Variants in MEGF11 observed in about 807,000 individuals in gnomAD.
MEGF11 encodes the protein multiple epidermal growth factor-like domains protein 11.
MEGF11 carries 126 observed loss-of-function variants against 146.6 expected under a neutral mutation model. The ratio of observed to expected loss-of-function variants is 0.86; its 90% confidence interval spans 0.74 to 1.00. The LOEUF (loss-of-function observed/expected upper bound fraction) is 1.00. MEGF11 is among the 50% of genes least tolerant of loss of function. The pLI is 0.00. For missense variants in MEGF11, 1,509 were observed against 1,521.2 expected (o/e 0.99, Z 0.13); for synonymous variants, 532 against 583.4 (o/e 0.91, Z 1.27).
intron 13 of MEGF11, among the ~76,000 whole-genome samples, chr15:65,923,564 C>T (rs758748554): frequency 2.0e-5 from 3 of 152,198 alleles, no homozygotes; most frequent in Non-Finnish European, 2.9e-5. Flanking sequence ...TTCATGCATA[C>T]ATACAATAGA....
At chr15:66,150,894 C>T (rs973429794) in intron 1 of MEGF11, among the ~76,000 whole-genome samples, 18 of 143,598 alleles carry the variant, frequency 1.3e-4, no homozygotes, top group Admixed American at 1.1e-3. Context: ...AAGGCCACAC[C>T]CCTTGTCAGT....
chr15:65,900,589 C>CTG (rs1264865278), intron 24 of MEGF11, among the ~76,000 whole-genome samples: 1 of 152,222 alleles, frequency 6.6e-6, no homozygotes, highest in South Asian at 2.1e-4. Context: ...ACACAACACT[C>CTG]TGTGGTATAG....
intron 5 of MEGF11, among the ~76,000 whole-genome samples, chr15:66,030,937 G>A (rs989842634): frequency 6.6e-6 from 1 of 152,206 alleles, no homozygotes; most frequent in Non-Finnish European, 1.5e-5. Flanking sequence ...GAAAATAAAA[G>A]GGAAATGTAA....
chr15:66,069,652 GCTT>G (rs2085283820), intron 5 of MEGF11, among the ~76,000 whole-genome samples: 1 of 152,150 alleles, frequency 6.6e-6, no homozygotes, highest in Admixed American at 6.6e-5. Context: ...GACTGCTACT[GCTT>G]CTATTATTAT....
At chr15:66,026,396 C>T (rs1378292278) in intron 5 of MEGF11, among the ~76,000 whole-genome samples, 4 of 152,308 alleles carry the variant, frequency 2.6e-5, no homozygotes, top group East Asian at 1.9e-4. Flanking sequence ...GCCAGCCCTC[C>T]GGCTTCTCAG....
chr15:66,017,029 G>T (rs2082911777), intron 5 of MEGF11, among the ~76,000 whole-genome samples: 1 of 152,210 alleles, frequency 6.6e-6, no homozygotes, highest in Non-Finnish European at 1.5e-5. Flanking sequence ...TGTTGGACAG[G>T]GGTTATTTTT....
intron 1 of MEGF11, among the ~76,000 whole-genome samples, chr15:66,239,299 C>A (rs1054481580): frequency 6.6e-6 from 1 of 152,118 alleles, no homozygotes; most frequent in East Asian, 1.9e-4. Flanking sequence ...TGGTATCAAC[C>A]CCCATCTGAA....
intron 5 of MEGF11, among the ~76,000 whole-genome samples, chr15:65,994,583 C>A (rs1431155244): frequency 6.6e-6 from 1 of 152,120 alleles, no homozygotes; most frequent in African/African-American, 2.4e-5. Context: ...TTCACAGGCA[C>A]CAGGGAGAGG....
intron 5 of MEGF11, among the ~76,000 whole-genome samples, chr15:66,019,603 G>T (rs1360803205): frequency 6.6e-6 from 1 of 152,192 alleles, no homozygotes; most frequent in Non-Finnish European, 1.5e-5. Flanking sequence ...CCCGCAGCCA[G>T]CAGCAGACCG....
At chr15:66,190,289 TG>T (rs1279299314) in intron 1 of MEGF11, among the ~76,000 whole-genome samples, 2 of 151,984 alleles carry the variant, frequency 1.3e-5, no homozygotes, top group Non-Finnish European at 2.9e-5. Flanking sequence ...TTTGTAGAGG[TG>T]GGGGTCTTGC....
chr15:66,025,698 C>T (rs1229263286), intron 5 of MEGF11, among the ~76,000 whole-genome samples: 1 of 152,108 alleles, frequency 6.6e-6, no homozygotes, highest in Non-Finnish European at 1.5e-5. Context: ...GCCTTCAGGC[C>T]TCTCGGGACA....
At chr15:65,980,363 G>A (rs185028133) in intron 7 of MEGF11, among the ~76,000 whole-genome samples, 108 of 151,878 alleles carry the variant, frequency 7.1e-4, no homozygotes, top group African/African-American at 2.6e-3. Flanking sequence ...ATAAATAGGA[G>A]GGAGGGTATT....
intron 5 of MEGF11, among the ~76,000 whole-genome samples, chr15:66,055,743 A>C (rs1235528575): frequency 6.6e-6 from 1 of 152,208 alleles, no homozygotes; most frequent in African/African-American, 2.4e-5. Context: ...TAGTTATTAA[A>C]TCACAATGGT....
chr15:66,245,200 T>G (rs575702237), intron 1 of MEGF11, among the ~76,000 whole-genome samples: 1 of 152,272 alleles, frequency 6.6e-6, no homozygotes, highest in South Asian at 2.1e-4. Flanking sequence ...TGGTGAGTCC[T>G]AGCAGTGAAC....
intron 1 of MEGF11, among the ~76,000 whole-genome samples, chr15:66,173,220 C>T (rs912467914): frequency 1.3e-5 from 2 of 152,224 alleles, no homozygotes; most frequent in African/African-American, 4.8e-5. Flanking sequence ...CTACCACAAG[C>T]AAACCCCAAC....
intron 1 of MEGF11, among the ~76,000 whole-genome samples, chr15:66,225,598 G>A (rs759973408): frequency 7.2e-5 from 11 of 152,274 alleles, no homozygotes; most frequent in South Asian, 4.1e-4. Context: ...ACACACCAGC[G>A]TTATGTTTAC....
intron 24 of MEGF11, among the ~76,000 whole-genome samples, chr15:65,903,673 C>T (rs2078549697): frequency 6.6e-6 from 1 of 152,216 alleles, no homozygotes; most frequent in Non-Finnish European, 1.5e-5. Flanking sequence ...AACACTGAGA[C>T]TCTTAATTCT....
intron 13 of MEGF11, among the ~76,000 whole-genome samples, chr15:65,923,578 C>T (rs913995425): frequency 6.6e-6 from 1 of 152,174 alleles, no homozygotes; most frequent in African/African-American, 2.4e-5. Context: ...CAATAGAAAC[C>T]AGTACTTTGC....
At chr15:65,909,237 C>T (rs1481886162) in intron 22 of MEGF11, 102 bp from the exon 23 acceptor site, 2 of 847,480 alleles carry the variant, frequency 2.4e-6, no homozygotes, top group Non-Finnish European at 3.8e-6. Context: ...CAGGGTGAGG[C>T]AGGCTGGGAG....
Sources: allele counts gnomAD v4.1 joint callset (sites outside exome capture counted in the v4.1 genomes callset), GRCh38; gene constraint gnomAD v4.1.1; transcripts MANE v1.5; gene names NCBI Gene and HGNC (gene_info 2026-07-23, HGNC 2026-07-21).